Variants in NSMAF observed in about 807,000 individuals in gnomAD.
NSMAF encodes the protein protein FAN.
NSMAF carries 90 observed loss-of-function variants against 134.9 expected under a neutral mutation model. The ratio of observed to expected loss-of-function variants is 0.67; its 90% CI spans 0.56 to 0.79. NSMAF has a LOEUF of 0.79. NSMAF is among the 30% of genes least tolerant of loss of function. The pLI, the probability that NSMAF is intolerant of heterozygous loss-of-function variation, is 0.00. For synonymous variants in NSMAF, 358 were observed against 389.6 expected, an observed-to-expected ratio of 0.92 and a Z score of 0.96; for missense variants, 1,010 against 1,119.0, an observed-to-expected ratio of 0.90 and a Z score of 1.39.
rs748053842 is a variant in NSMAF at position 58,599,309 on chromosome 8, G to C, written c.1508C>G (p.Ser503Cys). Residue 503 changes from serine (S) to cysteine (C), a missense_variant, in exon 19 of 31, where the codon TCT becomes TGT. By Grantham distance (112) the Ser-to-Cys change is moderately radical (BLOSUM62 -1). Transcript: ENST00000038176. ...ATCAATCCACTCGTGAAGGTGTTCA[G>C]ACACATAATTGCTTTCCAATGCATC... The part of the protein sequence containing the change: ...SKDALESNYV[S>C]EHLHEWIDLI... 1 of 1,614,000 alleles carries C rather than the reference G, an allele frequency of 6.2e-7. No homozygotes were observed. The highest frequency in any genetic ancestry group is 1.7e-5 in the Admixed American group (1 of 60,026).
rs1805921673 is a variant in NSMAF, at chr8:58,587,676, A to AG, written c.2236_2237insC (p.Met746ThrfsTer10). On this transcript the variant is annotated frameshift_variant, in exon 27 of 31. Coordinates refer to ENST00000038176, the MANE Select transcript of NSMAF (RefSeq NM_003580.4). LOFTEE classifies it high-confidence loss of function. ...AAAGTGGTGTCTTTTGGTGCCTGGC[A>AG]TCTCTGCAGGAACACCAGACCACAC... is the stretch of plus-strand genomic sequence containing the variant. 1 of 1,614,054 alleles carries AG rather than the reference A, an allele frequency of 6.2e-7. No individual in the cohort carries two copies. The highest frequency in any genetic ancestry group is 1.7e-5 in the Admixed American group (1 of 59,996).
intron 9 of NSMAF, among the ~76,000 whole-genome samples, chr8:58,615,188 A>G (rs1030814701): frequency 1.3e-5 from 2 of 152,254 alleles, no homozygotes; most frequent in Non-Finnish European, 2.9e-5. Flanking sequence ...AGAGCTTCAC[A>G]ACACAAAATG....
intron 10 of NSMAF, among the ~76,000 whole-genome samples, chr8:58,608,968 CA>C (rs1806466145): frequency 6.6e-6 from 1 of 152,182 alleles, no homozygotes; most frequent in African/African-American, 2.4e-5. Flanking sequence ...AGATAAGCAA[CA>C]AATCTTTACA....
Position 58,599,402 on chromosome 8 carries a change from C to T in NSMAF, c.1454-39G>A, listed in dbSNP as rs754813832. ...CTCAATCGAAAAATCATGGAGTCTT[C>T]ATTTTTTTCCTCCCATTTCTCTTGT... On this transcript the variant is annotated intron_variant, in intron 18 of 30. Transcript: ENST00000038176. 6.9e-6 allele frequency: 11 copies of T among 1,603,062 alleles called. No homozygotes were observed. The East Asian group carries it at 2.2e-4, about 33-fold the overall frequency.
At chr8:58,659,167 G>C in intron 1 of NSMAF, 2 of 1,380,578 alleles carry the variant, frequency 1.4e-6, no homozygotes, top group East Asian at 3.2e-5. Context: ...GGATTAGAAA[G>C]GGGGTGCCCG....
chr8:58,635,511 G>C lies in NSMAF; in HGVS notation c.185C>G (p.Ser62Trp). 1 of 1,605,338 alleles carries C rather than the reference G, an allele frequency of 6.2e-7. No homozygotes were observed. Among genetic ancestry groups the C allele is most frequent in the Middle Eastern group, 1.7e-4 (1 of 5,948 alleles). ...IRGSLKICSK[S>W]VIFEPDSISQ... ...TATTGAATCTGGTTCAAAAATCACCGATTTTGAACATATTTTTAAGGAGCC... is the reference window on the plus strand; with the variant it reads ...TATTGAATCTGGTTCAAAAATCACCCATTTTGAACATATTTTTAAGGAGCC... The change falls in exon 3 of 31, where the codon TCG (serine) becomes TGG (tryptophan). Residue 62 changes from serine (S) to tryptophan (W), a missense_variant. Physicochemically the swap from Ser to Trp is radical, Grantham distance 177. Coordinates refer to ENST00000038176, the MANE Select transcript of NSMAF (RefSeq NM_003580.4).
chr8:58,654,284 A>G (rs548284768), intron 1 of NSMAF, among the ~76,000 whole-genome samples: 1 of 152,246 alleles, frequency 6.6e-6, no homozygotes, highest in Non-Finnish European at 1.5e-5. Context: ...ACAATTGATT[A>G]AACAAACATA....
intron 24 of NSMAF, among the ~76,000 whole-genome samples, chr8:58,590,423 C>T (rs1805995661): frequency 6.6e-6 from 1 of 152,316 alleles, no homozygotes; most frequent in Non-Finnish European, 1.5e-5. Flanking sequence ...GGACTACAGA[C>T]TTGTGTGGGT....
At chr8:58,636,733 A>T (rs1807181688) in intron 2 of NSMAF, among the ~76,000 whole-genome samples, 1 of 152,180 alleles carries the variant, frequency 6.6e-6, no homozygotes, top group African/African-American at 2.4e-5. Flanking sequence ...GTAAAACTTT[A>T]CAAGAACAAG....
intron 1 of NSMAF, chr8:58,659,190 C>G (rs1384946472): frequency 2.6e-5 from 37 of 1,434,182 alleles, no homozygotes; most frequent in Non-Finnish European, 3.3e-5. Flanking sequence ...GGGCAGCGTA[C>G]TCACCCTCCC....
chr8:58,659,079 GTCGCC>G, intron 1 of NSMAF: 7 of 809,664 alleles, frequency 8.6e-6, no homozygotes, highest in East Asian at 7.1e-5. Flanking sequence ...CGAGTGGGTG[GTCGCC>G]GGCCTGCTCG....
chr8:58,626,903 CACTA>C (rs1426049122), intron 6 of NSMAF, among the ~76,000 whole-genome samples: 2 of 152,174 alleles, frequency 1.3e-5, no homozygotes, highest in Non-Finnish European at 2.9e-5. Flanking sequence ...TGGCCATTCT[CACTA>C]AGTAAGGTGA....
chr8:58,625,224 G>A (rs1326560579), intron 6 of NSMAF, among the ~76,000 whole-genome samples: 1 of 152,178 alleles, frequency 6.6e-6, no homozygotes. Flanking sequence ...CTTGCATTCA[G>A]ACTCAGACTA....
At chr8:58,657,899 T>C (rs1293277289) in intron 1 of NSMAF, among the ~76,000 whole-genome samples, 1 of 152,220 alleles carries the variant, frequency 6.6e-6, no homozygotes, top group Non-Finnish European at 1.5e-5. Flanking sequence ...GTCTAATCAA[T>C]GAATTCTAAC....
At chr8:58,613,004 A>G (rs1806565387) in intron 9 of NSMAF, among the ~76,000 whole-genome samples, 1 of 152,172 alleles carries the variant, frequency 6.6e-6, no homozygotes, top group African/African-American at 2.4e-5. Context: ...GGTAAAATAA[A>G]TATCTTCTTC....
At chr8:58,614,574 G>A (rs762990300) in intron 9 of NSMAF, among the ~76,000 whole-genome samples, 5 of 152,250 alleles carry the variant, frequency 3.3e-5, no homozygotes, top group Non-Finnish European at 4.4e-5. Context: ...TTTGATTATC[G>A]GTCGTTGTCC....
intron 14 of NSMAF, 64 bp downstream of exon 14, chr8:58,601,994 C>T (rs1325383091): frequency 1.7e-5 from 22 of 1,297,060 alleles, no homozygotes; most frequent in Non-Finnish European, 2.2e-5. Context: ...AATTTCCTTC[C>T]ATAAAAACAC....
chr8:58,597,265 G>T, intron 21 of NSMAF, 122 bp downstream of exon 21: 1 of 862,810 alleles, frequency 1.2e-6, no homozygotes, highest in Non-Finnish European at 1.8e-6. Context: ...CTGCAATAAG[G>T]CAGGAGAACA....
intron 9 of NSMAF, among the ~76,000 whole-genome samples, chr8:58,615,297 T>C (rs927750649): frequency 3.9e-5 from 6 of 152,196 alleles, no homozygotes; most frequent in Admixed American, 6.5e-5. Flanking sequence ...AAAAAATTAA[T>C]GAAATATATT....
Sources: allele counts gnomAD v4.1 joint callset (sites outside exome capture counted in the v4.1 genomes callset), GRCh38; gene constraint gnomAD v4.1.1; transcripts MANE v1.5; gene names NCBI Gene and HGNC (gene_info 2026-07-23, HGNC 2026-07-21).